PAX9: variants seen among roughly 807,000 people sequenced by gnomAD.
PAX9 encodes the protein paired box protein Pax-9.
A neutral mutation model predicts 29.1 loss-of-function variants in PAX9; 6 were observed. The ratio of observed to expected loss-of-function variants is 0.21; its 90% CI spans 0.11 to 0.41. PAX9 has a LOEUF of 0.41. Ranked by LOEUF, PAX9 falls within the 10% of genes least tolerant of loss-of-function variation. The probability of loss-of-function intolerance (pLI) is 1.00; values close to 1 mark genes in which losing one functional copy is unlikely to be tolerated. For missense variants in PAX9, 443 were observed against 479.1 expected, an observed-to-expected ratio of 0.92 and a Z score of 0.70; for synonymous variants, 217 against 211.7, an observed-to-expected ratio of 1.03 and a Z score of -0.22.
Position 36,666,572 on chromosome 14 carries a change from G to C in PAX9, c.742G>C (p.Ala248Pro), listed in dbSNP as rs1357648227. ...CGCGGTGAACGGGTTGGAGAAGGGA[G>C]CCCTGGAGCAGGAAGCCAAGTACGG... ...PHAVNGLEKG[A>P]LEQEAKYGQA... Residue 248 changes from alanine (A) to proline (P), a missense_variant, in exon 3 of 4, where the codon GCC (alanine) becomes CCC (proline). Coordinates refer to ENST00000361487, the MANE Select transcript of PAX9 (RefSeq NM_001372076.1). 1 of 1,574,774 alleles carries C rather than the reference G, an allele frequency of 6.4e-7. No individual in the cohort carries two copies. The highest frequency in any genetic ancestry group is 1.9e-5 in the Admixed American group (1 of 53,994).
rs1881284548 is a variant in PAX9 at position 36,661,950 on chromosome 14, C to T, written c.-140C>T. ...CTTCCTTTTACTTCTTCCTTTTGCC[C>T]TCTCGCCTCCTCCTCCTGGGAAGAA... On this transcript the variant is annotated 5_prime_UTR_variant, in exon 1 of 4. Coordinates refer to ENST00000361487, the MANE Select transcript of PAX9 (RefSeq NM_001372076.1). 2.0e-6 allele frequency: 2 copies of T among 1,001,190 alleles called. No individual in the cohort carries two copies. 62.0% of individuals were successfully genotyped at this position (1,001,190 alleles called of 1,614,324 possible).
intron 1 of PAX9, 25 bp downstream of exon 1, chr14:36,662,118 C>T (rs750694174): frequency 1.4e-4 from 186 of 1,334,656 alleles, no homozygotes; most frequent in Non-Finnish European, 1.7e-4. Flanking sequence ...GGGACTCTGT[C>T]AGAGCCGGGA....
chr14:36,678,211 T>G lies in PAX9; in HGVS notation c.*1759T>G, dbSNP rs1161212667. ...TTCGTGGCTTCGTTTAAAACTCAGATGGCTAGATTAGTTAGGTTTTCAAAT... is the reference window on the plus strand; with the variant it reads ...TTCGTGGCTTCGTTTAAAACTCAGAGGGCTAGATTAGTTAGGTTTTCAAAT... On this transcript the variant is annotated 3_prime_UTR_variant, in exon 4 of 4. Coordinates refer to ENST00000361487, the MANE Select transcript of PAX9 (RefSeq NM_001372076.1). The G allele has an allele frequency of 2.0e-6, 1 of 493,764 alleles. No individual in the cohort carries two copies. The allele number at this position is 493,764 out of a possible 1,614,324, so 30.6% of individuals were successfully genotyped here.
chr14:36,663,042 C>T lies in PAX9; in HGVS notation c.150C>T (p.His50=), dbSNP rs753143072. 29 of 1,613,700 alleles carry T rather than the reference C, an allele frequency of 1.8e-5. No homozygotes were observed. The highest frequency in any genetic ancestry group is 2.3e-5 in the Non-Finnish European group (27 of 1,180,046). The change falls in exon 2 of 4, where the codon CAC becomes CAT. Residue 50 remains histidine (H), a synonymous_variant. Transcript: ENST00000361487. ...CDISRQLRVS[H]GCVSKILARY... is the part of the protein sequence containing the mutation. ...TCAGCCGCCAGCTACGGGTCTCGCACGGCTGCGTCAGCAAGATCCTGGCGC... is the reference window on the plus strand; with the variant it reads ...TCAGCCGCCAGCTACGGGTCTCGCATGGCTGCGTCAGCAAGATCCTGGCGC...
chr14:36,661,769 C>G (rs780901065), upstream of PAX9: 2 of 478,812 alleles, frequency 4.2e-6, no homozygotes, highest in Non-Finnish European at 7.4e-6. Context: ...GCTCACCGAC[C>G]CGCACCAATC....
At chr14:36,666,105 G>C (rs959863150) in intron 2 of PAX9, 11 of 235,320 alleles carry the variant, frequency 4.7e-5, no homozygotes, top group Non-Finnish European at 8.4e-5. Context: ...GGTGGAGAAC[G>C]GCACGTGCAG....
intron 2 of PAX9, among the ~76,000 whole-genome samples, chr14:36,664,506 C>T (rs1881414151): frequency 6.6e-6 from 1 of 151,976 alleles, no homozygotes; most frequent in Non-Finnish European, 1.5e-5. Flanking sequence ...CAGAAGGATT[C>T]CCCGAGCCCT....
upstream of PAX9, among the ~76,000 whole-genome samples, chr14:36,658,311 C>T (rs1032001025): frequency 3.3e-5 from 5 of 151,336 alleles, no homozygotes; most frequent in South Asian, 6.3e-4. Flanking sequence ...CTCTGGCTGT[C>T]TTACAATCCC....
chr14:36,663,386 C>G lies in PAX9; in HGVS notation c.494C>G (p.Pro165Arg), dbSNP rs1417181500. 1 of 1,613,628 alleles carries G rather than the reference C, an allele frequency of 6.2e-7. No individual in the cohort carries two copies. The highest frequency in any genetic ancestry group is 1.3e-5 in the African/African-American group (1 of 74,940). The change falls in exon 2 of 4, where the codon CCT becomes CGT. Residue 165 changes from proline (P) to arginine (R), a missense_variant. Pro to Arg is a moderately radical substitution (Grantham distance 103). This residue lies in a region of PAX9 where 336 missense variants were observed against 317.2 expected (regional missense o/e 1.06). Transcript: ENST00000361487. ...AACCACATCTACTCGTACCCCAGCC[C>G]TATCACGGCGGCGGCCGCCAAGGTG... The part of the protein sequence containing the change: ...PYNHIYSYPS[P>R]ITAAAAKVPT...
chr14:36,666,546 A>C lies in PAX9; in HGVS notation c.716A>C (p.His239Pro). The C allele has an allele frequency of 6.3e-7, 1 of 1,588,716 alleles. No individual in the cohort carries two copies. Among genetic ancestry groups the C allele is most frequent in the Non-Finnish European group, 8.6e-7 (1 of 1,167,668 alleles). ...GRNNFPAAAPHAVNGLEKGAL... is the reference protein window; with the variant it reads ...GRNNFPAAAPPAVNGLEKGAL... ...AACAACTTCCCCGCCGCCGCCCCGC[A>C]CGCGGTGAACGGGTTGGAGAAGGGA... The change falls in exon 3 of 4, where the codon CAC becomes CCC. Residue 239 changes from histidine (H) to proline (P), a missense_variant. By Grantham distance (77) the His-to-Pro change is moderately conservative (BLOSUM62 -2). Transcript: ENST00000361487.
At position 36,662,018 on chromosome 14, in the gene PAX9, C is replaced by A; in HGVS notation, c.-72C>A. On this transcript the variant is annotated 5_prime_UTR_variant, in exon 1 of 4. Coordinates refer to ENST00000361487, the MANE Select transcript of PAX9 (RefSeq NM_001372076.1). ...CGGCCGGGATAGCAACAGGCCGGGC[C>A]ACTGAGGCGGTGCGGAAAGTTTCTG... 1.3e-6 allele frequency: 2 copies of A among 1,548,836 alleles called. No individual in the cohort carries two copies. The highest frequency in any genetic ancestry group is 1.7e-6 in the Non-Finnish European group (2 of 1,145,250).
upstream of PAX9, chr14:36,658,550 A>T (rs1319166521): frequency 6.6e-6 from 1 of 152,324 alleles, no homozygotes; most frequent in South Asian, 2.1e-4. Context: ...TGACCTGTAG[A>T]CCCGGAGGAG....
chr14:36,674,765 C>T (rs74044463), intron 3 of PAX9, among the ~76,000 whole-genome samples: 4,166 of 152,218 alleles, frequency 0.027, 183 homozygotes, highest in African/African-American at 0.093. Flanking sequence ...TTTCAAAGAA[C>T]CAACATTGAA....
intron 3 of PAX9, among the ~76,000 whole-genome samples, chr14:36,674,707 G>A (rs1881819153): frequency 6.6e-6 from 1 of 152,016 alleles, no homozygotes; most frequent in South Asian, 2.1e-4. Context: ...TGGTGCCTGG[G>A]ACATAGGACA....
Position 36,678,059 on chromosome 14 carries a change from C to A in PAX9, c.*1607C>A, listed in dbSNP as rs1881986673. ...TATTGAGGGTTTTTTGGTACTAATTCTGTGCAATAACTAAAAGAGCACCTC... is the reference window on the plus strand; with the variant it reads ...TATTGAGGGTTTTTTGGTACTAATTATGTGCAATAACTAAAAGAGCACCTC... On this transcript the variant is annotated 3_prime_UTR_variant, in exon 4 of 4. Coordinates refer to ENST00000361487, the MANE Select transcript of PAX9 (RefSeq NM_001372076.1). 6.2e-6 allele frequency: 1 copy of A among 162,538 alleles called. No individual in the cohort carries two copies. The allele number at this position is 162,538 out of a possible 1,614,324, so 10.1% of individuals were successfully genotyped here. A position where few individuals can be genotyped will look rare whatever the true frequency, so the allele number is the denominator to read the frequency against.
upstream of PAX9, among the ~76,000 whole-genome samples, chr14:36,660,824 G>C (rs896911338): frequency 5.9e-5 from 9 of 152,198 alleles, no homozygotes; most frequent in Non-Finnish European, 1.2e-4. Context: ...CTGCAAAAAA[G>C]CATACGGTAC....
chr14:36,663,447 G>C lies in PAX9; in HGVS notation c.555G>C (p.Ser185=). 6.2e-7 allele frequency: 1 copy of C among 1,612,942 alleles called. No homozygotes were observed. The highest frequency in any genetic ancestry group is 8.5e-7 in the Non-Finnish European group (1 of 1,179,758). Residue 185 remains serine (S), a synonymous_variant, in exon 2 of 4, where the codon TCG becomes TCC. Coordinates refer to ENST00000361487, the MANE Select transcript of PAX9 (RefSeq NM_001372076.1). The part of the protein sequence containing the change: ...TPPGVPAIPG[S]VAMPRTWPSS... Reference sequence around the variant, plus strand: ...CCGGGGTGCCTGCCATCCCCGGTTCGGTGGCCATGCCGCGCACCTGGCCCT... The same window carrying C: ...CCGGGGTGCCTGCCATCCCCGGTTCCGTGGCCATGCCGCGCACCTGGCCCT...
chr14:36,663,004 C>A lies in PAX9; in HGVS notation c.112C>A (p.Arg38=), dbSNP rs763028737. The stretch of plus-strand genomic sequence containing the variant: ...CGTGGAACTGGCCCAACTGGGCATC[C>A]GACCGTGTGACATCAGCCGCCAGCT... ...RIVELAQLGI[R]PCDISRQLRV... Residue 38 remains arginine, a synonymous_variant, in exon 2 of 4, where the codon CGA becomes AGA. Transcript: ENST00000361487. 7.4e-6 allele frequency: 12 copies of A among 1,613,740 alleles called. No homozygotes were observed. The highest frequency in any genetic ancestry group is 9.3e-6 in the Non-Finnish European group (11 of 1,180,042).
intron 3 of PAX9, chr14:36,671,019 C>A: frequency 2.4e-6 from 1 of 422,108 alleles, no homozygotes. Context: ...ATGAGTTCAC[C>A]AAAAAAGAGA....
Sources: gnomAD v4.1 joint callset for allele counts (sites outside exome capture counted in the v4.1 genomes callset) on GRCh38, gnomAD v4.1.1 for gene constraint, gnomAD v4.1.1 regional missense constraint, MANE v1.5 for transcripts, NCBI Gene and HGNC (gene_info 2026-07-23, HGNC 2026-07-21) for gene names.